Variants in ZDHHC18 observed in about 807,000 individuals in gnomAD.
The protein encoded by ZDHHC18 is zDHHC palmitoyltransferase 18, also known as palmitoyltransferase ZDHHC18.
ZDHHC18 carries 23 observed loss-of-function variants against 37.5 expected under a neutral mutation model. The ratio of observed to expected loss-of-function variants is 0.61; its 90% confidence interval spans 0.44 to 0.87. The LOEUF (loss-of-function observed/expected upper bound fraction) is 0.87. Among genes scored for constraint, ZDHHC18 ranks in the 40% least tolerant of loss-of-function variants. The pLI is 0.00. For missense variants in ZDHHC18, 406 were observed against 525.6 expected (o/e 0.77, Z 2.22); for synonymous variants, 185 against 218.7 (o/e 0.85, Z 1.36).
rs752390703 is a variant in ZDHHC18, at chr1:26,853,737, G to A, written c.1061G>A (p.Arg354Gln). Reference protein sequence around the residue: ...CGPLPPSLIDRRGFVQSDTVL... With the variant: ...CGPLPPSLIDQRGFVQSDTVL... Reference sequence around the variant, plus strand: ...TTGTGTTTTGGAAGCCTAATTGACCGGAGGGGATTTGTGCAGTCCGACACC... The same window carrying A: ...TTGTGTTTTGGAAGCCTAATTGACCAGAGGGGATTTGTGCAGTCCGACACC... Residue 354 changes from arginine (R) to glutamine (Q), a missense_variant, in exon 8 of 8, where the codon CGG becomes CAG. Transcript: ENST00000374142. The A allele has an allele frequency of 4.3e-5, 70 of 1,613,914 alleles. No individual in the cohort carries two copies. The highest frequency in any genetic ancestry group is 3.5e-4 in the Admixed American group (21 of 59,998).
At chr1:26,829,736 G>C (rs1383290588) in intron 1 of ZDHHC18, among the ~76,000 whole-genome samples, 1 of 151,588 alleles carries the variant, frequency 6.6e-6, no homozygotes, top group African/African-American at 2.4e-5. Context: ...TGAATTGACA[G>C]TGTATTTGAA....
chr1:26,852,070 GA>G (rs1181975240), intron 6 of ZDHHC18, among the ~76,000 whole-genome samples: 1 of 152,198 alleles, frequency 6.6e-6, no homozygotes, highest in East Asian at 1.9e-4. Context: ...CTTCACACAT[GA>G]CAGGGCGTTG....
intron 2 of ZDHHC18, among the ~76,000 whole-genome samples, chr1:26,847,285 C>T (rs1406276087): frequency 6.6e-6 from 1 of 152,156 alleles, no homozygotes; most frequent in East Asian, 1.9e-4. Context: ...GGCTCATGCT[C>T]ACTGCAGCCT....
chr1:26,848,666 C>T lies in ZDHHC18; in HGVS notation c.555C>T (p.Asn185=), dbSNP rs146160422. The change falls in exon 3 of 8, where the codon AAC becomes AAT. Residue 185 remains asparagine (N), a synonymous_variant. Coordinates refer to ENST00000374142, the MANE Select transcript of ZDHHC18 (RefSeq NM_032283.3). ...PPPRTREVLI[N]GQMVKLKYCF... ...CTCGGACCCGGGAGGTGCTGATCAA[C>T]GGGCAGATGGTGAAGCTGAAGTACT... The T allele has an allele frequency of 9.0e-4, 1,457 of 1,614,122 alleles. 14 individuals are homozygous for T. In the East Asian group the frequency reaches 0.027, roughly 29 times the overall value.
chr1:26,844,104 AT>A (rs1421993784), intron 2 of ZDHHC18, among the ~76,000 whole-genome samples: 1 of 151,984 alleles, frequency 6.6e-6, no homozygotes, highest in African/African-American at 2.4e-5. Context: ...CAATGGCGTG[AT>A]TTCAGCTCAC....
At chr1:26,851,104 C>T (rs1477245915) in intron 5 of ZDHHC18, 25 bp from the exon 6 acceptor site, 26 of 1,605,640 alleles carry the variant, frequency 1.6e-5, no homozygotes, top group Admixed American at 5.0e-5. Context: ...ACCCTCCACC[C>T]ATTGAAGTCC....
rs889720559 is a variant in ZDHHC18, at chr1:26,856,305, C to T, written c.*2462C>T. ...CTGTCGGCCAGCACTGCCCGCTCCC[C>T]TCACACACCATCTCATCCTCATCGC... is the stretch of plus-strand genomic sequence containing the variant. On this transcript the variant is annotated 3_prime_UTR_variant, in exon 8 of 8. Transcript: ENST00000374142. This position sits in a 1 kb window ranked among gnomAD's most constrained non-coding sequence, Gnocchi z 5.2. 4.7e-6 allele frequency: 2 copies of T among 425,808 alleles called. No individual in the cohort carries two copies. The highest frequency in any genetic ancestry group is 4.0e-5 in the African/African-American group (2 of 49,594). The allele number at this position is 425,808 out of a possible 1,614,324, so 26.4% of individuals were successfully genotyped here.
In ZDHHC18 at chr1:26,856,238, A is replaced by G; in HGVS notation, c.*2395A>G. 1 of 451,602 alleles carries G rather than the reference A, an allele frequency of 2.2e-6. No individual in the cohort carries two copies. Among genetic ancestry groups the G allele is most frequent in the Non-Finnish European group, 4.5e-6 (1 of 223,098 alleles). 28.0% of individuals were successfully genotyped at this position (451,602 alleles called of 1,614,324 possible). A position where few individuals can be genotyped will look rare whatever the true frequency, so the allele number is the denominator to read the frequency against. On this transcript the variant is annotated 3_prime_UTR_variant, in exon 8 of 8. Transcript: ENST00000374142. This position sits in a 1 kb window ranked among gnomAD's most constrained non-coding sequence, Gnocchi z 5.2. ...CCTGCACAGCCTGAGGGGAGCTAAC[A>G]GGCCTCTTTGCAGAGGGTTAGCTGG...
intron 2 of ZDHHC18, among the ~76,000 whole-genome samples, chr1:26,840,984 G>C (rs1445912226): frequency 1.3e-5 from 2 of 150,844 alleles, no homozygotes; most frequent in Non-Finnish European, 3.0e-5. Flanking sequence ...TAATTTTTTG[G>C]GGGGAGGGGG....
chr1:26,830,987 T>C (rs1385021915), intron 1 of ZDHHC18, among the ~76,000 whole-genome samples: 1 of 152,188 alleles, frequency 6.6e-6, no homozygotes. Flanking sequence ...TTCATCTTAT[T>C]GGTCAGGCTG....
At chr1:26,839,953 G>T (rs1043203716) in intron 2 of ZDHHC18, among the ~76,000 whole-genome samples, 1 of 152,216 alleles carries the variant, frequency 6.6e-6, no homozygotes, top group Non-Finnish European at 1.5e-5. Context: ...CAACTCTGGC[G>T]ACTTTGATTT....
chr1:26,835,037 A>T (rs1157043828), intron 2 of ZDHHC18, among the ~76,000 whole-genome samples: 1 of 152,194 alleles, frequency 6.6e-6, no homozygotes, highest in Non-Finnish European at 1.5e-5. Context: ...TGGAGAAGTG[A>T]TGCTTGAGCT....
In ZDHHC18 at chr1:26,826,704, AGCGCCGCGC is replaced by A; in HGVS notation, c.-93_-85del. The A allele has an allele frequency of 2.2e-6, 1 of 459,272 alleles. No homozygotes were observed. The highest frequency in any genetic ancestry group is 2.8e-6 in the Non-Finnish European group (1 of 351,450). 28.4% of individuals were successfully genotyped at this position (459,272 alleles called of 1,614,324 possible). ...GGCCGCCCCAGTGAGTGAGCGAGCG[AGCGCCGCGC>A]GCGCCGCCGCTGCCACCTCCGCTGC... On this transcript the variant is annotated 5_prime_UTR_variant, in exon 1 of 8. Coordinates refer to ENST00000374142, the MANE Select transcript of ZDHHC18 (RefSeq NM_032283.3). This position sits in a 1 kb window ranked among gnomAD's most constrained non-coding sequence, Gnocchi z 5.2.
At position 26,826,690 on chromosome 1, in the gene ZDHHC18, T is replaced by TGAGTGAGC. The variant is rs2081557672; in HGVS notation, c.-111_-104dup. On this transcript the variant is annotated 5_prime_UTR_variant, in exon 1 of 8. Transcript: ENST00000374142. This position sits in a 1 kb window ranked among gnomAD's most constrained non-coding sequence, Gnocchi z 5.2. ...CGGAGCGATGGCGGGGCCGCCCCAG[T>TGAGTGAGC]GAGTGAGCGAGCGAGCGCCGCGCGC... 1 of 315,186 alleles carries TGAGTGAGC rather than the reference T, an allele frequency of 3.2e-6. No homozygotes were observed. Among genetic ancestry groups the TGAGTGAGC allele is most frequent in the Non-Finnish European group, 4.5e-6 (1 of 219,958 alleles). 19.5% of individuals were successfully genotyped at this position (315,186 alleles called of 1,614,324 possible). A position where few individuals can be genotyped will look rare whatever the true frequency, so the allele number is the denominator to read the frequency against.
intron 1 of ZDHHC18, 43 bp downstream of exon 1, chr1:26,827,182 C>T: frequency 2.3e-6 from 3 of 1,301,832 alleles, no homozygotes; most frequent in Non-Finnish European, 2.9e-6. Context: ...CCCCCTGCCG[C>T]GCACCCCACC....
chr1:26,827,865 C>G (rs768741802), intron 1 of ZDHHC18, among the ~76,000 whole-genome samples: 2 of 152,162 alleles, frequency 1.3e-5, no homozygotes, highest in African/African-American at 4.8e-5. Context: ...ATCCCGCCCG[C>G]CTCCACCCAG....
rs1162965189 is a variant in ZDHHC18, at chr1:26,853,828, A to G, written c.1152A>G (p.Val384=). ...ACRAKPDASM[V]GGHP ...GAGCCAAGCCTGATGCCAGCATGGT[A>G]GGAGGCCACCCCTGACCACGGCTCA... The change falls in exon 8 of 8, where the codon GTA becomes GTG. Residue 384 remains valine (V), a synonymous_variant. Coordinates refer to ENST00000374142, the MANE Select transcript of ZDHHC18 (RefSeq NM_032283.3). 1.9e-6 allele frequency: 3 copies of G among 1,613,618 alleles called. No individual in the cohort carries two copies. The East Asian group carries it at 6.7e-5, about 36-fold the overall frequency.
intron 2 of ZDHHC18, among the ~76,000 whole-genome samples, chr1:26,836,261 TCCCAGAC>T (rs983218532): frequency 1.3e-5 from 2 of 152,234 alleles, no homozygotes; most frequent in Non-Finnish European, 2.9e-5. Context: ...ATACACCAGC[TCCCAGAC>T]CCCATCTCCT....
At chr1:26,835,888 A>C (rs180899691) in intron 2 of ZDHHC18, among the ~76,000 whole-genome samples, 1 of 151,862 alleles carries the variant, frequency 6.6e-6, no homozygotes, top group Non-Finnish European at 1.5e-5. Flanking sequence ...CAGCCCAGCA[A>C]CTCCAGCCCA....
Sources: allele counts gnomAD v4.1 joint callset (sites outside exome capture counted in the v4.1 genomes callset), GRCh38; gene constraint gnomAD v4.1.1; non-coding constraint Gnocchi (gnomAD v3.1); transcripts MANE v1.5; gene names NCBI Gene and HGNC (gene_info 2026-07-23, HGNC 2026-07-21).